The following TENM2 variants were observed in gnomAD, a reference collection of about 807,000 sequenced individuals.
The protein encoded by TENM2 is teneurin-2.
In TENM2, 52 loss-of-function variants were observed where a neutral mutation model predicts 245.2. The ratio of observed to expected loss-of-function variants is 0.21; its 90% CI spans 0.17 to 0.27. The LOEUF is 0.27. Among genes scored for constraint, TENM2 ranks in the 10% least tolerant of loss-of-function variants. The pLI is 1.00. For synonymous variants in TENM2, 1,363 were observed against 1,438.9 expected, an observed-to-expected ratio of 0.95 and a Z score of 1.19; for missense variants, 3,046 against 3,666.8, an observed-to-expected ratio of 0.83 and a Z score of 4.37.
intron 4 of TENM2, among the ~76,000 whole-genome samples, chr5:167,969,533 C>G (rs1011367033): frequency 1.3e-5 from 2 of 152,112 alleles, no homozygotes; most frequent in African/African-American, 4.8e-5. Context: ...GTTCTTGTCC[C>G]CTTTCAACAT....
chr5:167,391,581 T>C (rs989813812), intron 2 of TENM2, among the ~76,000 whole-genome samples: 21 of 134,922 alleles, frequency 1.6e-4, no homozygotes, highest in African/African-American at 5.9e-4. Context: ...GCCAAGATTG[T>C]GCCACTGCAC....
intron 2 of TENM2, among the ~76,000 whole-genome samples, chr5:167,820,236 G>A (rs1277721899): frequency 6.6e-6 from 1 of 152,178 alleles, no homozygotes. Context: ...GGTTGAATCA[G>A]GGAAGAGAGG....
At chr5:167,426,887 A>C (rs1015037686) in intron 2 of TENM2, among the ~76,000 whole-genome samples, 1 of 152,172 alleles carries the variant, frequency 6.6e-6, no homozygotes, top group Non-Finnish European at 1.5e-5. Context: ...CATTATTTTC[A>C]CTACAAAAAC....
intron 2 of TENM2, among the ~76,000 whole-genome samples, chr5:167,449,294 A>G (rs1438515405): frequency 1.3e-5 from 2 of 152,220 alleles, no homozygotes; most frequent in Admixed American, 6.5e-5. Flanking sequence ...CAGCCTGGTC[A>G]CTGAAGAGGT....
At chr5:168,027,536 G>GT (rs1786733850) in intron 5 of TENM2, among the ~76,000 whole-genome samples, 6 of 152,170 alleles carry the variant, frequency 3.9e-5, no homozygotes, top group Admixed American at 3.9e-4. Context: ...TGAGCTCCGT[G>GT]TTTTTGCCTC....
At chr5:167,495,959 A>G (rs898877098) in intron 2 of TENM2, among the ~76,000 whole-genome samples, 2 of 152,092 alleles carry the variant, frequency 1.3e-5, no homozygotes, top group Admixed American at 6.6e-5. Context: ...GTTGCAAAGT[A>G]TTACAGATTC....
At chr5:167,573,500 GTCTCTCTC>G (rs772318555) in intron 2 of TENM2, among the ~76,000 whole-genome samples, 1 of 133,814 alleles carries the variant, frequency 7.5e-6, no homozygotes, top group Admixed American at 8.0e-5. Flanking sequence ...GATGTTCTCT[GTCTCTCTC>G]TCTCTCTCTC....
chr5:167,448,055 C>T (rs1189129558), intron 2 of TENM2, among the ~76,000 whole-genome samples: 1 of 152,140 alleles, frequency 6.6e-6, no homozygotes, highest in Non-Finnish European at 1.5e-5. Context: ...GATAAAAATT[C>T]CTTTCCCAGT....
the TENM2 span, among the ~76,000 whole-genome samples, chr5:167,153,582 A>G: frequency 1.3e-5 from 2 of 152,034 alleles, no homozygotes; most frequent in African/African-American, 2.4e-5. Context: ...AATTCCCCGT[A>G]TAAGTGGACC....
At chr5:167,014,655 A>G in the TENM2 span, among the ~76,000 whole-genome samples, 1 of 152,228 alleles carries the variant, frequency 6.6e-6, no homozygotes, top group Non-Finnish European at 1.5e-5. Flanking sequence ...CAAAGTGAAC[A>G]GATGTGGCTG....
chr5:168,065,287 G>C (rs1790398711), intron 7 of TENM2, among the ~76,000 whole-genome samples: 2 of 152,280 alleles, frequency 1.3e-5, no homozygotes, highest in Middle Eastern at 6.8e-3. Context: ...ATCAGAGTCT[G>C]TCCCAGCTGA....
chr5:167,293,631 T>C (rs980403921), intron 1 of TENM2, among the ~76,000 whole-genome samples: 3 of 152,128 alleles, frequency 2.0e-5, no homozygotes, highest in South Asian at 4.1e-4. Flanking sequence ...GCCTTTCTGA[T>C]GCTGAGTTTA....
At chr5:167,865,819 T>C (rs1486221839) in intron 2 of TENM2, among the ~76,000 whole-genome samples, 3 of 152,192 alleles carry the variant, frequency 2.0e-5, no homozygotes, top group Non-Finnish European at 4.4e-5. Context: ...CTTAGCAAGA[T>C]ACTTACACAC....
At chr5:167,699,408 C>T (rs1757997027) in intron 2 of TENM2, among the ~76,000 whole-genome samples, 1 of 152,108 alleles carries the variant, frequency 6.6e-6, no homozygotes. Context: ...GTAAAAGGAA[C>T]ACCCAAACGA....
intron 1 of TENM2, among the ~76,000 whole-genome samples, chr5:167,321,454 C>T (rs545277958): frequency 1.1e-4 from 17 of 152,248 alleles, no homozygotes; most frequent in African/African-American, 3.6e-4. Flanking sequence ...TTTTCCCCTT[C>T]TGCAGTCATA....
At chr5:167,030,580 C>T in the TENM2 span, among the ~76,000 whole-genome samples, 1 of 152,164 alleles carries the variant, frequency 6.6e-6, no homozygotes, top group South Asian at 2.1e-4. Context: ...TTCCTCTTAA[C>T]TTCCACTTGC....
the TENM2 span, among the ~76,000 whole-genome samples, chr5:167,006,575 A>T: frequency 1.3e-5 from 2 of 152,232 alleles, no homozygotes; most frequent in Non-Finnish European, 2.9e-5. Flanking sequence ...ATACATATGT[A>T]TGCATATGGG....
chr5:167,460,778 T>C (rs1466659303), intron 2 of TENM2, among the ~76,000 whole-genome samples: 1 of 152,200 alleles, frequency 6.6e-6, no homozygotes, highest in Non-Finnish European at 1.5e-5. Flanking sequence ...GAATTTCAGT[T>C]GGGTAAATGT....
At chr5:167,858,105 G>C (rs1041922506) in intron 2 of TENM2, among the ~76,000 whole-genome samples, 5 of 152,212 alleles carry the variant, frequency 3.3e-5, no homozygotes, top group African/African-American at 1.2e-4. Flanking sequence ...CTATCAACTA[G>C]AAAGCAGTTC....
Sources: allele counts gnomAD v4.1 joint callset (sites outside exome capture counted in the v4.1 genomes callset), GRCh38; gene constraint gnomAD v4.1.1; transcripts MANE v1.5; gene names NCBI Gene and HGNC (gene_info 2026-07-23, HGNC 2026-07-21).